The following JAZF1 variants were observed in gnomAD, a reference collection of about 807,000 sequenced individuals.
JAZF1 encodes JAZF zinc finger 1.
JAZF1 carries 8 observed loss-of-function variants against 26.4 expected under a neutral mutation model. The observed-to-expected ratio is 0.30, with a 90% CI of 0.18 to 0.55. JAZF1 has a LOEUF of 0.55. JAZF1 is among the 20% of genes least tolerant of loss of function. JAZF1 has a pLI of 0.94. For synonymous variants in JAZF1, 126 were observed against 122.3 expected (o/e 1.03, Z -0.20); for missense variants, 199 against 322.0 (o/e 0.62, Z 2.92).
chr7:28,100,546 G>A (rs1583560094), intron 1 of JAZF1, among the ~76,000 whole-genome samples: 2 of 152,202 alleles, frequency 1.3e-5, no homozygotes, highest in African/African-American at 2.4e-5. Context: ...AATGCTAAGC[G>A]TGATTCTGCA....
At chr7:27,925,094 C>T (rs1784587637) in intron 2 of JAZF1, among the ~76,000 whole-genome samples, 1 of 152,218 alleles carries the variant, frequency 6.6e-6, no homozygotes, top group Admixed American at 6.5e-5. Flanking sequence ...CTATTGAAAA[C>T]ACCTTTGGAA....
At chr7:28,085,563 AT>A (rs1475649155) in intron 1 of JAZF1, among the ~76,000 whole-genome samples, 3 of 152,192 alleles carry the variant, frequency 2.0e-5, no homozygotes, top group Non-Finnish European at 4.4e-5. Flanking sequence ...TCAAAGTGTC[AT>A]CCCCCCGTGA....
At chr7:28,054,962 C>G (rs915092430) in intron 1 of JAZF1, among the ~76,000 whole-genome samples, 4 of 152,008 alleles carry the variant, frequency 2.6e-5, no homozygotes, top group African/African-American at 9.7e-5. Context: ...AATATAGGTG[C>G]TGGCAATGTG....
chr7:28,141,805 T>C (rs528176668), intron 1 of JAZF1, among the ~76,000 whole-genome samples: 91 of 152,332 alleles, frequency 6.0e-4, no homozygotes, highest in African/African-American at 2.1e-3. Context: ...ATTTCTAGTA[T>C]CTTCATCAGT....
At position 27,964,160 on chromosome 7, in the gene JAZF1, A is replaced by G. The variant is rs184621031; in HGVS notation, c.188+27749T>C. Reference sequence around the variant, plus strand: ...ACACAAAAATTGTTACAAAAATTGGAAACTCACTGGTAAATAGCATTGTAA... The same window carrying G: ...ACACAAAAATTGTTACAAAAATTGGGAACTCACTGGTAAATAGCATTGTAA... On this transcript the variant is annotated intron_variant, in intron 2 of 4. Transcript: ENST00000283928. Among the ~76,000 whole-genome samples, 380 of 152,308 alleles carry G rather than the reference A, an allele frequency of 2.5e-3. 2 individuals are homozygous for G. Among genetic ancestry groups the G allele is most frequent in the Middle Eastern group, 3.4e-3 (1 of 294 alleles).
At chr7:28,144,566 C>T (rs1276124113) in intron 1 of JAZF1, among the ~76,000 whole-genome samples, 1 of 152,194 alleles carries the variant, frequency 6.6e-6, no homozygotes, top group African/African-American at 2.4e-5. Context: ...CGCTCACTGC[C>T]AGGGGTCTGT....
chr7:28,175,450 T>C (rs1783534990), intron 1 of JAZF1, among the ~76,000 whole-genome samples: 1 of 152,222 alleles, frequency 6.6e-6, no homozygotes. Flanking sequence ...CAACTTATTA[T>C]TGTAGATAAA....
At chr7:27,882,915 T>C (rs1034608115) in intron 3 of JAZF1, among the ~76,000 whole-genome samples, 1 of 152,162 alleles carries the variant, frequency 6.6e-6, no homozygotes, top group African/African-American at 2.4e-5. Flanking sequence ...TAAATCTACA[T>C]CACCTTCACA....
chr7:28,009,846 T>G (rs1782770035), intron 1 of JAZF1, among the ~76,000 whole-genome samples: 1 of 152,232 alleles, frequency 6.6e-6, no homozygotes. Flanking sequence ...TGTCACTGAC[T>G]AATGAGTCCT....
intron 3 of JAZF1, among the ~76,000 whole-genome samples, chr7:27,871,275 T>C (rs927538558): frequency 1.3e-5 from 2 of 152,200 alleles, no homozygotes; most frequent in Non-Finnish European, 2.9e-5. Flanking sequence ...GAAAGCAAGG[T>C]CAGTGCTGTG....
At chr7:28,179,178 G>A (rs1783593154) in intron 1 of JAZF1, among the ~76,000 whole-genome samples, 1 of 152,214 alleles carries the variant, frequency 6.6e-6, no homozygotes. Context: ...GGATTAGACA[G>A]CCCCATTGGG....
chr7:27,963,486 C>T lies in JAZF1; in HGVS notation c.188+28423G>A, dbSNP rs140886291. On this transcript the variant is annotated intron_variant, in intron 2 of 4. Transcript: ENST00000283928. ...GGTAGCTGTCAATCCTGGGGTCTTG[C>T]ACATTGTTGTGATGTGTCACAAACA... 3.9e-5 allele frequency among the ~76,000 whole-genome samples: 6 copies of T among 151,934 alleles called. No individual in the cohort carries two copies. The East Asian group carries it at 1.2e-3, about 29-fold the overall frequency.
rs58075065 is a variant in JAZF1 at position 28,173,880 on chromosome 7, TAAAAAAAAAAAAA to T, written c.115+6570_115+6582del. The stretch of plus-strand genomic sequence containing the variant: ...TCTGGTCCCTGCTTGCAGCTAGCTT[TAAAAAAAAAAAAA>T]AAAAAAAAAAAAAGTAGGTGAAAAC... On this transcript the variant is annotated intron_variant, in intron 1 of 4. Transcript: ENST00000283928. Among the ~76,000 whole-genome samples the T allele has an allele frequency of 1.8e-4, 17 of 93,148 alleles. No individual in the cohort carries two copies. In the Admixed American group the frequency reaches 2.1e-3, roughly 11 times the overall value. The allele number at this position is 93,148 out of a possible 152,430, so 61.1% of individuals were successfully genotyped here.
chr7:28,112,297 G>T (rs1784673709), intron 1 of JAZF1, among the ~76,000 whole-genome samples: 1 of 152,212 alleles, frequency 6.6e-6, no homozygotes, highest in South Asian at 2.1e-4. Flanking sequence ...ATTCACTGAA[G>T]CAAAACTTGG....
At chr7:28,093,823 C>A (rs1032571218) in intron 1 of JAZF1, among the ~76,000 whole-genome samples, 1 of 152,182 alleles carries the variant, frequency 6.6e-6, no homozygotes, top group African/African-American at 2.4e-5. Context: ...GTAGCGCCCC[C>A]CTGTGGCAAT....
At chr7:27,955,482 C>G (rs1785072681) in intron 2 of JAZF1, among the ~76,000 whole-genome samples, 1 of 152,142 alleles carries the variant, frequency 6.6e-6, no homozygotes, top group African/African-American at 2.4e-5. Context: ...CTCCCTAAAG[C>G]CTTGTAAGTT....
chr7:28,071,093 T>C (rs1456793916), intron 1 of JAZF1, among the ~76,000 whole-genome samples: 1 of 152,118 alleles, frequency 6.6e-6, no homozygotes, highest in African/African-American at 2.4e-5. Flanking sequence ...GGCAGCTGCC[T>C]AAAACGGAAT....
intron 2 of JAZF1, among the ~76,000 whole-genome samples, chr7:27,907,492 G>A (rs894095269): frequency 1.3e-5 from 2 of 152,184 alleles, no homozygotes; most frequent in Non-Finnish European, 2.9e-5. Flanking sequence ...GATAGGTATC[G>A]AAGCCTGGGA....
chr7:27,948,793 A>G (rs929504884), intron 2 of JAZF1, among the ~76,000 whole-genome samples: 13 of 152,196 alleles, frequency 8.5e-5, no homozygotes, highest in African/African-American at 3.1e-4. Context: ...TCCTGGATGT[A>G]AAATACCATA....
Sources: allele counts gnomAD v4.1 joint callset (sites outside exome capture counted in the v4.1 genomes callset), GRCh38; gene constraint gnomAD v4.1.1; transcripts MANE v1.5; gene names NCBI Gene and HGNC (gene_info 2026-07-23, HGNC 2026-07-21).